Variants in MCTP1 observed in about 807,000 individuals in gnomAD.
MCTP1 encodes the protein multiple C2 and transmembrane domain-containing protein 1.
A neutral mutation model predicts 120.6 loss-of-function variants in MCTP1; 69 were observed. That is an observed-to-expected ratio of 0.57 (90% CI 0.47 to 0.70). The LOEUF (loss-of-function observed/expected upper bound fraction) is 0.70. Among genes scored for constraint, MCTP1 ranks in the 30% least tolerant of loss-of-function variants. The probability of loss-of-function intolerance (pLI) is 0.00; values close to 1 mark genes in which losing one functional copy is unlikely to be tolerated. For missense variants in MCTP1, 1,203 were observed against 1,248.8 expected, an observed-to-expected ratio of 0.96 and a Z score of 0.55; for synonymous variants, 529 against 493.1, an observed-to-expected ratio of 1.07 and a Z score of -0.96.
intron 10 of MCTP1, among the ~76,000 whole-genome samples, chr5:94,897,264 G>T (rs1490187271): frequency 6.6e-6 from 1 of 150,744 alleles, no homozygotes; most frequent in East Asian, 1.9e-4. Context: ...TGTAGAGATG[G>T]GGTTTTGTCA....
At chr5:94,936,337 G>A (rs188041696) in intron 5 of MCTP1, among the ~76,000 whole-genome samples, 28 of 152,078 alleles carry the variant, frequency 1.8e-4, no homozygotes, top group Admixed American at 8.5e-4. Flanking sequence ...GTGATAGGAC[G>A]TAGGATGGAG....
At chr5:95,095,474 A>C (rs796095468) in intron 1 of MCTP1, among the ~76,000 whole-genome samples, 5 of 152,336 alleles carry the variant, frequency 3.3e-5, no homozygotes, top group African/African-American at 1.2e-4. Flanking sequence ...GGAAGAGATC[A>C]CAGGGTAAAG....
chr5:95,138,824 G>A lies in MCTP1; in HGVS notation c.721-121340C>T, dbSNP rs189367336. ...CTAGTGTGCAAAGTACACCCTGCCC[G>A]TTAGCTGGATAGGCAATTTTTAACT... On this transcript the variant is annotated intron_variant, in intron 1 of 22. Transcript: ENST00000515393. 1.1e-3 allele frequency among the ~76,000 whole-genome samples: 163 copies of A among 152,284 alleles called. 1 individual carries two copies. Among genetic ancestry groups the A allele is most frequent in the African/African-American group, 3.6e-3 (150 of 41,556 alleles).
intron 18 of MCTP1, among the ~76,000 whole-genome samples, chr5:94,781,908 G>A (rs1278125448): frequency 2.0e-5 from 3 of 152,120 alleles, no homozygotes; most frequent in African/African-American, 7.2e-5. Flanking sequence ...GTGTTTTAGC[G>A]CTCTAGTGAG....
At chr5:95,050,155 A>T (rs550526640) in intron 1 of MCTP1, among the ~76,000 whole-genome samples, 1 of 152,272 alleles carries the variant, frequency 6.6e-6, no homozygotes, top group African/African-American at 2.4e-5. Flanking sequence ...AGCTGAAGAC[A>T]TAAGTGACAT....
intron 1 of MCTP1, among the ~76,000 whole-genome samples, chr5:95,114,341 C>A (rs1562153966): frequency 6.6e-6 from 1 of 152,226 alleles, no homozygotes; most frequent in African/African-American, 2.4e-5. Flanking sequence ...GAGCACCAAG[C>A]AGGCTATTGG....
chr5:94,885,183 A>C (rs1032624357), intron 12 of MCTP1, among the ~76,000 whole-genome samples: 1 of 152,064 alleles, frequency 6.6e-6, no homozygotes, highest in Admixed American at 6.5e-5. Flanking sequence ...TGTACCTTTC[A>C]GTACAGTGAA....
At chr5:94,922,997 C>CAAAAAAAAAAAAAAA (rs202245253) in intron 7 of MCTP1, among the ~76,000 whole-genome samples, 3 of 99,548 alleles carry the variant, frequency 3.0e-5, no homozygotes, top group African/African-American at 4.0e-5. Flanking sequence ...TAAAAAGCTG[C>CAAAAAAAAAAAAAAA]AAAAAAAAAA....
chr5:95,017,840 G>C (rs1837413459), intron 1 of MCTP1, among the ~76,000 whole-genome samples: 1 of 152,098 alleles, frequency 6.6e-6, no homozygotes, highest in Admixed American at 6.6e-5. Flanking sequence ...TGGAGAATAA[G>C]AGTGCAAGAG....
At chr5:95,126,915 C>T (rs889037414) in intron 1 of MCTP1, among the ~76,000 whole-genome samples, 9 of 152,090 alleles carry the variant, frequency 5.9e-5, no homozygotes, top group South Asian at 2.1e-4. Flanking sequence ...TAGAAATCAA[C>T]GGAAACCACA....
At chr5:95,152,473 C>G (rs1403299860) in intron 1 of MCTP1, among the ~76,000 whole-genome samples, 4 of 152,048 alleles carry the variant, frequency 2.6e-5, no homozygotes, top group Admixed American at 6.6e-5. Flanking sequence ...GATATAATAT[C>G]CAGGGCAATT....
At chr5:95,068,593 G>A (rs1321076386) in intron 1 of MCTP1, among the ~76,000 whole-genome samples, 1 of 152,178 alleles carries the variant, frequency 6.6e-6, no homozygotes, top group Non-Finnish European at 1.5e-5. Flanking sequence ...GTTTTAAGCT[G>A]TCAAGGACCT....
chr5:95,249,758 A>C (rs902702016), intron 1 of MCTP1, among the ~76,000 whole-genome samples: 1 of 152,252 alleles, frequency 6.6e-6, no homozygotes, highest in Non-Finnish European at 1.5e-5. Context: ...GAATGATCCC[A>C]TATGTCCATC....
intron 2 of MCTP1, among the ~76,000 whole-genome samples, chr5:94,978,094 A>G (rs1828522805): frequency 6.6e-6 from 1 of 152,148 alleles, no homozygotes; most frequent in Non-Finnish European, 1.5e-5. Flanking sequence ...AAGAAGACAT[A>G]CAAATGGCCA....
chr5:94,993,314 A>G (rs1347498720), intron 2 of MCTP1, among the ~76,000 whole-genome samples: 2 of 151,960 alleles, frequency 1.3e-5, no homozygotes. Context: ...ACTTCAGGTC[A>G]TAATTACGGA....
intron 1 of MCTP1, among the ~76,000 whole-genome samples, chr5:95,123,871 G>T (rs573015558): frequency 6.6e-6 from 1 of 152,012 alleles, no homozygotes; most frequent in Non-Finnish European, 1.5e-5. Context: ...GGATGGTCTC[G>T]ATCTCCTGAC....
At chr5:95,245,266 TCTC>T (rs1399133540) in intron 1 of MCTP1, among the ~76,000 whole-genome samples, 1 of 152,106 alleles carries the variant, frequency 6.6e-6, no homozygotes, top group Non-Finnish European at 1.5e-5. Flanking sequence ...GAGCACCTCT[TCTC>T]CTCCAAAGGA....
intron 1 of MCTP1, among the ~76,000 whole-genome samples, chr5:95,135,951 A>T (rs903173368): frequency 3.9e-5 from 6 of 152,252 alleles, no homozygotes; most frequent in African/African-American, 1.4e-4. Context: ...AAGCAAATGT[A>T]TTGAAAGCCA....
At chr5:94,984,445 G>A (rs421797) in intron 2 of MCTP1, among the ~76,000 whole-genome samples, 33,800 of 152,014 alleles carry the variant, frequency 0.22, 4,025 homozygotes, top group East Asian at 0.38. Flanking sequence ...TGGCTGAAGC[G>A]GAAAATTTGA....
Sources: allele counts gnomAD v4.1 joint callset (sites outside exome capture counted in the v4.1 genomes callset), GRCh38; gene constraint gnomAD v4.1.1; transcripts MANE v1.5; gene names NCBI Gene and HGNC (gene_info 2026-07-23, HGNC 2026-07-21).